GRAMD2B: variants seen among roughly 807,000 people sequenced by gnomAD.
GRAMD2B encodes the protein GRAM domain-containing protein 2B.
A neutral mutation model predicts 59.2 loss-of-function variants in GRAMD2B; 41 were observed. The ratio of observed to expected loss-of-function variants is 0.69; its 90% CI spans 0.54 to 0.90. GRAMD2B has a LOEUF of 0.90. GRAMD2B is among the 40% of genes least tolerant of loss of function. The pLI, the probability that GRAMD2B is intolerant of heterozygous loss-of-function variation, is 0.00. For synonymous variants in GRAMD2B, 161 were observed against 182.7 expected, an observed-to-expected ratio of 0.88 and a Z score of 0.96; for missense variants, 424 against 500.5, an observed-to-expected ratio of 0.85 and a Z score of 1.46.
At chr5:126,476,767 G>A (rs576794481) in intron 5 of GRAMD2B, among the ~76,000 whole-genome samples, 16 of 152,200 alleles carry the variant, frequency 1.1e-4, no homozygotes, top group South Asian at 2.1e-4. Context: ...ATTCTTTGTT[G>A]AACCAGAAAA....
chr5:126,458,055 C>A (rs1766650341), intron 1 of GRAMD2B, among the ~76,000 whole-genome samples: 1 of 152,084 alleles, frequency 6.6e-6, no homozygotes, highest in African/African-American at 2.4e-5. Context: ...ATTTTACTTT[C>A]TTGTTGGTTC....
intron 1 of GRAMD2B, among the ~76,000 whole-genome samples, chr5:126,454,441 T>C (rs1765909773): frequency 6.6e-6 from 1 of 152,182 alleles, no homozygotes; most frequent in Admixed American, 6.5e-5. Flanking sequence ...ACAAAAGCCC[T>C]TGGGAGCTGT....
At chr5:126,380,251 G>A (rs551368718) in intron 1 of GRAMD2B, among the ~76,000 whole-genome samples, 16 of 152,022 alleles carry the variant, frequency 1.1e-4, no homozygotes, top group African/African-American at 2.4e-4. Context: ...TTTTTATTCT[G>A]CTCCATTGGT....
chr5:126,406,571 G>C (rs1403877828), intron 1 of GRAMD2B, among the ~76,000 whole-genome samples: 1 of 151,784 alleles, frequency 6.6e-6, no homozygotes, highest in Non-Finnish European at 1.5e-5. Flanking sequence ...TTTAAATAGA[G>C]AAGATAACAA....
At chr5:126,395,306 C>T (rs2149729187) in intron 1 of GRAMD2B, among the ~76,000 whole-genome samples, 1 of 152,282 alleles carries the variant, frequency 6.6e-6, no homozygotes, top group East Asian at 1.9e-4. Context: ...TTTTAACCAT[C>T]TCTTAGTCAG....
At chr5:126,399,046 A>C (rs766739688) in intron 1 of GRAMD2B, among the ~76,000 whole-genome samples, 3 of 152,134 alleles carry the variant, frequency 2.0e-5, no homozygotes, top group Non-Finnish European at 4.4e-5. Flanking sequence ...TTCCATGTGC[A>C]CTTGTGAAAA....
At chr5:126,446,915 T>A (rs1764353779) in intron 1 of GRAMD2B, among the ~76,000 whole-genome samples, 1 of 152,144 alleles carries the variant, frequency 6.6e-6, no homozygotes, top group Admixed American at 6.5e-5. Context: ...CCTTTCCGTT[T>A]CTTGGAATCT....
intron 1 of GRAMD2B, among the ~76,000 whole-genome samples, chr5:126,434,764 G>T (rs898345907): frequency 6.6e-6 from 1 of 152,108 alleles, no homozygotes. Flanking sequence ...TGATCCACCC[G>T]CCTCGGCCTC....
upstream of GRAMD2B, among the ~76,000 whole-genome samples, chr5:126,370,074 T>C (rs73330496): frequency 6.6e-6 from 1 of 152,210 alleles, no homozygotes; most frequent in East Asian, 1.9e-4. Flanking sequence ...CCTTCAGAAC[T>C]GTAGCATGAG....
At chr5:126,491,322 T>C (rs1167755998) in intron 13 of GRAMD2B, among the ~76,000 whole-genome samples, 1 of 152,172 alleles carries the variant, frequency 6.6e-6, no homozygotes, top group East Asian at 1.9e-4. Context: ...AAGAAAGCAA[T>C]GTCTCTTACG....
chr5:126,436,683 T>C (rs1762465952), intron 1 of GRAMD2B, among the ~76,000 whole-genome samples: 1 of 152,190 alleles, frequency 6.6e-6, no homozygotes. Flanking sequence ...AGGTTCACTA[T>C]AATTTGAGCA....
At chr5:126,479,647 G>A (rs538836349) in intron 6 of GRAMD2B, among the ~76,000 whole-genome samples, 1 of 152,178 alleles carries the variant, frequency 6.6e-6, no homozygotes, top group East Asian at 1.9e-4. Flanking sequence ...TTTGCAACTG[G>A]ATCTGCCTGA....
chr5:126,390,908 G>T (rs977522660), intron 1 of GRAMD2B, among the ~76,000 whole-genome samples: 3 of 152,060 alleles, frequency 2.0e-5, no homozygotes, highest in Admixed American at 2.0e-4. Flanking sequence ...CCTAATTCCC[G>T]TAATAAAAGA....
chr5:126,473,451 T>A, intron 5 of GRAMD2B, 83 bp downstream of exon 5: 2 of 441,958 alleles, frequency 4.5e-6, no homozygotes, highest in Non-Finnish European at 8.1e-6. Context: ...TTAGCTATAT[T>A]TGTAGATATT....
At chr5:126,383,762 C>G (rs548088477) in intron 1 of GRAMD2B, among the ~76,000 whole-genome samples, 51 of 152,250 alleles carry the variant, frequency 3.3e-4, no homozygotes, top group African/African-American at 1.1e-3. Flanking sequence ...ATTATTTGGG[C>G]TATTTTCAAA....
intron 1 of GRAMD2B, among the ~76,000 whole-genome samples, chr5:126,428,697 T>C (rs1272622140): frequency 1.3e-5 from 2 of 152,164 alleles, no homozygotes; most frequent in Admixed American, 6.5e-5. Flanking sequence ...AGCTATTTGA[T>C]ACAGGCTTGC....
chr5:126,448,381 C>A (rs1764736139), intron 1 of GRAMD2B, among the ~76,000 whole-genome samples: 2 of 151,696 alleles, frequency 1.3e-5, no homozygotes, highest in Non-Finnish European at 2.9e-5. Flanking sequence ...GAGGAGGGTG[C>A]TTGGGGGCAG....
intron 5 of GRAMD2B, among the ~76,000 whole-genome samples, chr5:126,474,973 G>C (rs1020507740): frequency 3.9e-5 from 6 of 152,174 alleles, no homozygotes; most frequent in Non-Finnish European, 7.3e-5. Context: ...CTTCAGAGAT[G>C]TTGCAGAATT....
At chr5:126,480,893 A>T in intron 8 of GRAMD2B, 186 bp downstream of exon 8, 3 of 598,282 alleles carry the variant, frequency 5.0e-6, no homozygotes, top group Non-Finnish European at 8.9e-6. Context: ...ACTTTTTCCA[A>T]GTAATTGAAG....
Sources: allele counts gnomAD v4.1 joint callset (sites outside exome capture counted in the v4.1 genomes callset), GRCh38; gene constraint gnomAD v4.1.1; transcripts MANE v1.5; gene names NCBI Gene and HGNC (gene_info 2026-07-23, HGNC 2026-07-21).